The following WDPCP variants were observed in gnomAD, a reference collection of about 807,000 sequenced individuals.
The protein encoded by WDPCP is WD repeat containing planar cell polarity effector.
In WDPCP, 71 loss-of-function variants were observed where a neutral mutation model predicts 93.1. That is an observed-to-expected ratio of 0.76 (90% CI 0.63 to 0.93). The LOEUF (loss-of-function observed/expected upper bound fraction) is 0.93. WDPCP is among the 40% of genes least tolerant of loss of function. The pLI is 0.00. For missense variants in WDPCP, 844 were observed against 887.4 expected, an observed-to-expected ratio of 0.95 and a Z score of 0.62; for synonymous variants, 315 against 315.0, an observed-to-expected ratio of 1.00 and a Z score of 0.00.
At chr2:63,632,915 C>T (rs1575734795) in intron 3 of WDPCP, among the ~76,000 whole-genome samples, 1 of 152,174 alleles carries the variant, frequency 6.6e-6, no homozygotes, top group Non-Finnish European at 1.5e-5. Flanking sequence ...GAGGACTTCA[C>T]CAAAACACAT....
intron 15 of WDPCP, among the ~76,000 whole-genome samples, chr2:63,166,207 C>T (rs563894317): frequency 6.6e-6 from 1 of 152,004 alleles, no homozygotes; most frequent in Non-Finnish European, 1.5e-5. Flanking sequence ...GCTGGGACTA[C>T]AGGTGCATGC....
At chr2:63,539,268 A>C (rs1461383723) in intron 1 of WDPCP, among the ~76,000 whole-genome samples, 1 of 152,212 alleles carries the variant, frequency 6.6e-6, no homozygotes, top group East Asian at 1.9e-4. Context: ...TTGATAGCTA[A>C]AGCCCCTTTT....
At chr2:63,473,537 A>G (rs1229943084) in intron 6 of WDPCP, among the ~76,000 whole-genome samples, 2 of 152,102 alleles carry the variant, frequency 1.3e-5, no homozygotes, top group Admixed American at 6.5e-5. Flanking sequence ...CTGGGGTTCT[A>G]TAGTACTAAA....
In WDPCP at chr2:63,259,230, G is replaced by C. The variant is rs566283378; in HGVS notation, c.1915+77C>G. 8.9e-6 allele frequency: 11 copies of C among 1,239,798 alleles called. No individual in the cohort carries two copies. In the East Asian group the frequency reaches 2.3e-4, roughly 26 times the overall value. 76.8% of individuals were successfully genotyped at this position (1,239,798 alleles called of 1,614,324 possible). A position where few individuals can be genotyped will look rare whatever the true frequency, so the allele number is the denominator to read the frequency against. ...AAAGTAATTCAAATTAACCATCCAT[G>C]TCCTCCAAACATAAATAGAAATGAT... On this transcript the variant is annotated intron_variant, in intron 14 of 17. Coordinates refer to ENST00000272321, the MANE Select transcript of WDPCP (RefSeq NM_015910.7).
At chr2:63,451,843 C>A (rs1017872921) in intron 6 of WDPCP, among the ~76,000 whole-genome samples, 7 of 152,150 alleles carry the variant, frequency 4.6e-5, no homozygotes, top group Non-Finnish European at 8.8e-5. Flanking sequence ...ACGACAAAAA[C>A]CACATGATTA....
intron 3 of WDPCP, among the ~76,000 whole-genome samples, chr2:63,623,483 G>A (rs1428861811): frequency 1.3e-5 from 2 of 150,732 alleles, no homozygotes; most frequent in African/African-American, 2.4e-5. Flanking sequence ...AGGGATGGAG[G>A]AATATTTACC....
intron 14 of WDPCP, among the ~76,000 whole-genome samples, chr2:63,184,675 T>G (rs1398325990): frequency 1.3e-5 from 2 of 152,298 alleles, no homozygotes; most frequent in East Asian, 3.9e-4. Flanking sequence ...TTTAGACAAT[T>G]TAATGACTAT....
intron 2 of WDPCP, chr2:63,717,351 G>A (rs1669353601): frequency 2.1e-6 from 1 of 485,688 alleles, no homozygotes; most frequent in African/African-American, 2.0e-5. Context: ...TAGGCACCAA[G>A]GACTGGTACA....
intron 3 of WDPCP, chr2:63,606,119 C>T (rs1016459901): frequency 3.3e-6 from 4 of 1,204,626 alleles, no homozygotes; most frequent in East Asian, 2.3e-5. Flanking sequence ...CAGTGGCTCA[C>T]GCCTATAATC....
chr2:63,583,390 A>AT (rs1396758968), intron 1 of WDPCP, among the ~76,000 whole-genome samples: 4 of 152,214 alleles, frequency 2.6e-5, no homozygotes, highest in African/African-American at 9.6e-5. Context: ...TAACCTTGAA[A>AT]TTTTGAAAAC....
chr2:63,431,176 T>G (rs1696732310), intron 9 of WDPCP, among the ~76,000 whole-genome samples: 1 of 152,002 alleles, frequency 6.6e-6, no homozygotes, highest in African/African-American at 2.4e-5. Context: ...TTAAGTTTGC[T>G]GTATAGCAGT....
intron 17 of WDPCP, among the ~76,000 whole-genome samples, chr2:63,144,833 G>T (rs1671364847): frequency 6.6e-6 from 1 of 152,114 alleles, no homozygotes; most frequent in African/African-American, 2.4e-5. Flanking sequence ...GAAGAGCCTT[G>T]TTTTGTCATA....
chr2:63,469,790 AC>A (rs2105810874), intron 6 of WDPCP, among the ~76,000 whole-genome samples: 1 of 152,104 alleles, frequency 6.6e-6, no homozygotes, highest in African/African-American at 2.4e-5. Flanking sequence ...TGTATAACAA[AC>A]CCCCATGACA....
chr2:63,347,367 AT>A (rs1194394377), intron 12 of WDPCP, among the ~76,000 whole-genome samples: 1 of 152,196 alleles, frequency 6.6e-6, no homozygotes, highest in Non-Finnish European at 1.5e-5. Context: ...TGAAACAATT[AT>A]TTATTATCTG....
intron 13 of WDPCP, among the ~76,000 whole-genome samples, chr2:63,267,338 A>G (rs530788084): frequency 2.0e-5 from 3 of 152,336 alleles, no homozygotes; most frequent in African/African-American, 7.2e-5. Context: ...ACATATAAAA[A>G]TCAACTCAAA....
chr2:63,367,814 A>G (rs1691035615), intron 12 of WDPCP, among the ~76,000 whole-genome samples: 1 of 152,224 alleles, frequency 6.6e-6, no homozygotes, highest in Non-Finnish European at 1.5e-5. Flanking sequence ...TTAGTTTTAA[A>G]CAATTTTTAT....
At chr2:63,595,570 A>G (rs1410263365) in intron 3 of WDPCP, 1 of 1,205,378 alleles carries the variant, frequency 8.3e-7, no homozygotes, top group Non-Finnish European at 1.2e-6. Flanking sequence ...TTCTTACAAA[A>G]TACAGGTTTT....
intron 14 of WDPCP, among the ~76,000 whole-genome samples, chr2:63,232,250 C>A (rs191613940): frequency 6.6e-6 from 1 of 152,316 alleles, no homozygotes; most frequent in East Asian, 1.9e-4. Flanking sequence ...GTAGGAAATA[C>A]CATTCAGACC....
chr2:63,320,311 G>A (rs187936550), intron 12 of WDPCP, among the ~76,000 whole-genome samples: 33 of 152,228 alleles, frequency 2.2e-4, no homozygotes, highest in South Asian at 1.2e-3. Flanking sequence ...GAACTACACC[G>A]TAAGAAAGAC....
Sources: gnomAD v4.1 joint callset for allele counts (sites outside exome capture counted in the v4.1 genomes callset) on GRCh38, gnomAD v4.1.1 for gene constraint, MANE v1.5 for transcripts, NCBI Gene and HGNC (gene_info 2026-07-23, HGNC 2026-07-21) for gene names.